The following CSNK2A2IP variants were observed in gnomAD, a reference collection of about 807,000 sequenced individuals.
The protein encoded by CSNK2A2IP is casein kinase 2 subunit alpha' interacting protein.
chr3:88,412,787 T>C, the CSNK2A2IP span, among the ~76,000 whole-genome samples: 2 of 152,050 alleles, frequency 1.3e-5, no homozygotes, highest in Non-Finnish European at 2.9e-5. Context: ...ATGTTACTGT[T>C]TTTAATAGTG....
chr3:88,354,053 G>T, the CSNK2A2IP span, among the ~76,000 whole-genome samples: 8 of 152,042 alleles, frequency 5.3e-5, no homozygotes, highest in Non-Finnish European at 1.5e-5. Flanking sequence ...TGACACCTCT[G>T]TCTCTCTCTC....
the CSNK2A2IP span, among the ~76,000 whole-genome samples, chr3:88,387,538 C>A: frequency 1.2e-3 from 189 of 152,186 alleles, no homozygotes; most frequent in African/African-American, 4.3e-3. Flanking sequence ...AACTTTTATA[C>A]CATATTTTTT....
At chr3:88,419,230 AC>A in the CSNK2A2IP span, among the ~76,000 whole-genome samples, 2,932 of 151,888 alleles carry the variant, frequency 0.019, 49 homozygotes, top group Non-Finnish European at 0.033. Flanking sequence ...CTATTCTCCC[AC>A]CCCCTGGTCT....
the CSNK2A2IP span, among the ~76,000 whole-genome samples, chr3:88,416,962 G>C: frequency 2.0e-5 from 3 of 151,572 alleles, no homozygotes; most frequent in Non-Finnish European, 4.4e-5. Flanking sequence ...GTGTCTCTCT[G>C]AATTATCCCC....
the CSNK2A2IP span, among the ~76,000 whole-genome samples, chr3:88,399,349 A>G: frequency 6.6e-6 from 1 of 152,170 alleles, no homozygotes; most frequent in Non-Finnish European, 1.5e-5. Flanking sequence ...AAAAATATAT[A>G]TGTCACCAAT....
At chr3:88,459,601 G>A in the CSNK2A2IP span, among the ~76,000 whole-genome samples, 1 of 151,986 alleles carries the variant, frequency 6.6e-6, no homozygotes, top group Non-Finnish European at 1.5e-5. Flanking sequence ...AATGTTAAAT[G>A]CAGTAGTGAT....
chr3:88,413,927 G>A, the CSNK2A2IP span, among the ~76,000 whole-genome samples: 2 of 151,656 alleles, frequency 1.3e-5, no homozygotes, highest in African/African-American at 4.9e-5. Context: ...TTCCTTAATA[G>A]AAGAATAGCC....
chr3:88,413,411 A>T, the CSNK2A2IP span, among the ~76,000 whole-genome samples: 1 of 151,978 alleles, frequency 6.6e-6, no homozygotes, highest in Admixed American at 6.5e-5. Flanking sequence ...CATTTTGAGG[A>T]TGATTGGGAG....
At chr3:88,421,274 C>T in the CSNK2A2IP span, among the ~76,000 whole-genome samples, 48 of 152,156 alleles carry the variant, frequency 3.2e-4, no homozygotes, top group African/African-American at 1.0e-3. Flanking sequence ...ATTGAAGATA[C>T]GTATGTATAT....
chr3:88,445,502 T>C, the CSNK2A2IP span, among the ~76,000 whole-genome samples: 1 of 152,126 alleles, frequency 6.6e-6, no homozygotes, highest in South Asian at 2.1e-4. Flanking sequence ...AGAACTATTA[T>C]GTCAAGGGGC....
At chr3:88,382,008 C>T in the CSNK2A2IP span, among the ~76,000 whole-genome samples, 13 of 152,234 alleles carry the variant, frequency 8.5e-5, no homozygotes, top group South Asian at 2.7e-3. Context: ...CTACTCATTC[C>T]AAGGAAAGTG....
the CSNK2A2IP span, among the ~76,000 whole-genome samples, chr3:88,409,498 A>G: frequency 6.6e-6 from 1 of 151,076 alleles, no homozygotes; most frequent in Non-Finnish European, 1.5e-5. Flanking sequence ...GAAAATGTCT[A>G]GGTGATCAGG....
chr3:88,450,128 C>A, the CSNK2A2IP span, among the ~76,000 whole-genome samples: 1 of 151,834 alleles, frequency 6.6e-6, no homozygotes, highest in Non-Finnish European at 1.5e-5. Context: ...CTCAGCCTCC[C>A]AAAGTGCTGG....
the CSNK2A2IP span, among the ~76,000 whole-genome samples, chr3:88,347,024 G>A: frequency 1.2e-4 from 19 of 152,026 alleles, no homozygotes; most frequent in African/African-American, 3.6e-4. Flanking sequence ...ATTCCAACCC[G>A]CATTGAGAAA....
the CSNK2A2IP span, among the ~76,000 whole-genome samples, chr3:88,413,162 T>C: frequency 6.6e-6 from 1 of 152,056 alleles, no homozygotes; most frequent in African/African-American, 2.4e-5. Flanking sequence ...CATGATATAA[T>C]GCATTGGGAA....
At chr3:88,398,227 T>A in the CSNK2A2IP span, among the ~76,000 whole-genome samples, 2 of 152,142 alleles carry the variant, frequency 1.3e-5, no homozygotes, top group African/African-American at 4.8e-5. Flanking sequence ...GGAAGATGAA[T>A]GGCCCATTGT....
the CSNK2A2IP span, among the ~76,000 whole-genome samples, chr3:88,359,275 T>G: frequency 1.3e-5 from 2 of 151,932 alleles, no homozygotes; most frequent in African/African-American, 4.8e-5. Flanking sequence ...TTCTTTTTTC[T>G]TCTTAGTCTG....
At chr3:88,352,466 T>C in the CSNK2A2IP span, among the ~76,000 whole-genome samples, 1 of 152,172 alleles carries the variant, frequency 6.6e-6, no homozygotes, top group Non-Finnish European at 1.5e-5. Context: ...GTGAAAGATA[T>C]ATTTGAGGTT....
chr3:88,430,471 C>T, the CSNK2A2IP span, among the ~76,000 whole-genome samples: 1 of 152,058 alleles, frequency 6.6e-6, no homozygotes, highest in South Asian at 2.1e-4. Flanking sequence ...ATGGAAGTTG[C>T]TGAAGAGTCA....
Sources: gnomAD v4.1 joint callset for allele counts (sites outside exome capture counted in the v4.1 genomes callset) on GRCh38, gnomAD v4.1.1 for gene constraint, MANE v1.5 for transcripts, NCBI Gene and HGNC (gene_info 2026-07-23, HGNC 2026-07-21) for gene names.